Variants in NKAIN3 observed in about 807,000 individuals in gnomAD.
The protein encoded by NKAIN3 is sodium/potassium-transporting ATPase subunit beta-1-interacting protein 3.
Under a neutral mutation model 30.2 loss-of-function variants are expected in NKAIN3, and 25 were observed. The observed-to-expected ratio is 0.83, with a 90% confidence interval of 0.60 to 1.16. The LOEUF is 1.16. NKAIN3 is among the 50% of genes most tolerant of loss of function. The pLI is 0.00. For synonymous variants in NKAIN3, 91 were observed against 89.6 expected (o/e 1.02, Z -0.09); for missense variants, 225 against 254.1 (o/e 0.89, Z 0.78).
At chr8:62,428,199 T>C (rs947943160) in intron 1 of NKAIN3, among the ~76,000 whole-genome samples, 1 of 152,002 alleles carries the variant, frequency 6.6e-6, no homozygotes, top group Non-Finnish European at 1.5e-5. Context: ...CTGAATGATA[T>C]TCCATTGTGT....
rs941423390 is a variant in NKAIN3, at chr8:62,374,039, G to A, written c.54+124912G>A. Among the ~76,000 whole-genome samples the A allele has an allele frequency of 2.7e-5, 4 of 149,648 alleles. No homozygotes were observed. The Admixed American group carries it at 2.7e-4, about 10-fold the overall frequency. On this transcript the variant is annotated intron_variant, in intron 1 of 6. Coordinates refer to ENST00000623646, the MANE Select transcript of NKAIN3 (RefSeq NM_001304533.3). ...GAGGCAGGAGAATTGCTTGAACCTG[G>A]GAGGCAGAGGTTGCACTGAGCCAAG...
intron 1 of NKAIN3, among the ~76,000 whole-genome samples, chr8:62,288,204 T>C (rs1813444769): frequency 6.6e-6 from 1 of 152,078 alleles, no homozygotes; most frequent in South Asian, 2.1e-4. Flanking sequence ...AACAGTGTTT[T>C]CATCAGCGTT....
At chr8:62,766,733 C>A (rs1303236943) in intron 4 of NKAIN3, among the ~76,000 whole-genome samples, 1 of 152,120 alleles carries the variant, frequency 6.6e-6, no homozygotes, top group Non-Finnish European at 1.5e-5. Flanking sequence ...GGAGTGTGTA[C>A]TATATAGCTC....
At chr8:62,440,126 A>G (rs907619064) in intron 1 of NKAIN3, among the ~76,000 whole-genome samples, 1 of 152,078 alleles carries the variant, frequency 6.6e-6, no homozygotes, top group African/African-American at 2.4e-5. Flanking sequence ...GGTAGTTTTG[A>G]ATTAGGAAAA....
At position 62,641,144 on chromosome 8, in the gene NKAIN3, T is replaced by G. The variant is rs182435646; in HGVS notation, c.273+51350T>G. 4.0e-4 allele frequency among the ~76,000 whole-genome samples: 61 copies of G among 152,260 alleles called. No homozygotes were observed. The East Asian group carries it at 0.011, about 27-fold the overall frequency. ...TCACTCCAGACCCACTGAATCAGAA[T>G]CTACACTTTAACAAGATGCTCAGAT... On this transcript the variant is annotated intron_variant, in intron 3 of 6. Coordinates refer to ENST00000623646, the MANE Select transcript of NKAIN3 (RefSeq NM_001304533.3).
chr8:62,667,852 A>C lies in NKAIN3; in HGVS notation c.273+78058A>C, dbSNP rs962265555. 2.0e-5 allele frequency among the ~76,000 whole-genome samples: 3 copies of C among 152,036 alleles called. No homozygotes were observed. In the East Asian group the frequency reaches 5.8e-4, roughly 29 times the overall value. ...CACCTCTCCAACTTGCCTCTTTTAC[A>C]ATCATCCACCCACACTTACTTTCAA... On this transcript the variant is annotated intron_variant, in intron 3 of 6. Coordinates refer to ENST00000623646, the MANE Select transcript of NKAIN3 (RefSeq NM_001304533.3).
chr8:62,531,024 GA>G (rs1296710069), intron 1 of NKAIN3, among the ~76,000 whole-genome samples: 1 of 152,104 alleles, frequency 6.6e-6, no homozygotes, highest in African/African-American at 2.4e-5. Flanking sequence ...CACACTCCAG[GA>G]ATCCTGGTTT....
At chr8:62,748,238 A>G (rs1055621777) in intron 4 of NKAIN3, among the ~76,000 whole-genome samples, 4 of 152,084 alleles carry the variant, frequency 2.6e-5, no homozygotes, top group African/African-American at 9.7e-5. Context: ...GAGCCTGTCA[A>G]TCTTGAGCTT....
At chr8:62,880,827 C>T (rs958792534) in intron 4 of NKAIN3, among the ~76,000 whole-genome samples, 2 of 152,170 alleles carry the variant, frequency 1.3e-5, no homozygotes, top group African/African-American at 4.8e-5. Flanking sequence ...CATGGCCAAG[C>T]ATACACGTGC....
chr8:62,328,081 C>A (rs1013514483), intron 1 of NKAIN3, among the ~76,000 whole-genome samples: 1 of 151,996 alleles, frequency 6.6e-6, no homozygotes, highest in African/African-American at 2.4e-5. Flanking sequence ...ATATATTATG[C>A]CAACTTATTC....
At chr8:62,988,967 C>T (rs1434564684), downstream of NKAIN3, among the ~76,000 whole-genome samples, 4 of 152,170 alleles carry the variant, frequency 2.6e-5, no homozygotes, top group African/African-American at 9.7e-5. Context: ...GTTCAGTGTT[C>T]CACAGATCTC....
At chr8:62,395,134 C>T (rs1817709558) in intron 1 of NKAIN3, among the ~76,000 whole-genome samples, 1 of 151,794 alleles carries the variant, frequency 6.6e-6, no homozygotes, top group Non-Finnish European at 1.5e-5. Flanking sequence ...CCTCACTTCC[C>T]AGACGGGGCG....
intron 1 of NKAIN3, among the ~76,000 whole-genome samples, chr8:62,412,469 A>C (rs1804271223): frequency 6.6e-6 from 1 of 152,210 alleles, no homozygotes. Context: ...GTAAGACCTC[A>C]AACTATAAAA....
chr8:62,294,983 G>C (rs74769856), intron 1 of NKAIN3, among the ~76,000 whole-genome samples: 3 of 152,128 alleles, frequency 2.0e-5, no homozygotes. Context: ...TCCAGTGTTT[G>C]TGTCATGTTG....
intron 3 of NKAIN3, among the ~76,000 whole-genome samples, chr8:62,738,199 A>T (rs531236683): frequency 1.3e-5 from 2 of 152,218 alleles, no homozygotes; most frequent in African/African-American, 4.8e-5. Context: ...CTTTTTAATG[A>T]TCACCATTCT....
intron 4 of NKAIN3, among the ~76,000 whole-genome samples, chr8:62,749,682 T>TC (rs998796594): frequency 7.8e-5 from 9 of 115,034 alleles, no homozygotes; most frequent in African/African-American, 1.4e-4. Context: ...TTCTTTTCTT[T>TC]TTTTTTTTTT....
chr8:62,917,276 C>T (rs4512370), intron 4 of NKAIN3, among the ~76,000 whole-genome samples: 80,736 of 151,954 alleles, frequency 0.53, 21,819 homozygotes, highest in East Asian at 0.71. Context: ...AAGCCCCATG[C>T]TTCCCAAAAT....
At chr8:62,251,005 A>G (rs1438295377) in intron 1 of NKAIN3, among the ~76,000 whole-genome samples, 2 of 152,174 alleles carry the variant, frequency 1.3e-5, no homozygotes, top group Non-Finnish European at 2.9e-5. Flanking sequence ...CCATAGTACT[A>G]GTGATCTTTA....
chr8:62,820,234 A>C (rs1405140633), intron 4 of NKAIN3, among the ~76,000 whole-genome samples: 1 of 152,156 alleles, frequency 6.6e-6, no homozygotes, highest in African/African-American at 2.4e-5. Context: ...AGGTAGTGAT[A>C]TGGAGTATGG....
Sources: gnomAD v4.1 joint callset for allele counts (sites outside exome capture counted in the v4.1 genomes callset) on GRCh38, gnomAD v4.1.1 for gene constraint, MANE v1.5 for transcripts, NCBI Gene and HGNC (gene_info 2026-07-23, HGNC 2026-07-21) for gene names.